Variants in POLQ observed in about 807,000 individuals in gnomAD.
POLQ encodes the protein epididymis secretory sperm binding protein.
POLQ carries 233 observed loss-of-function variants against 259.2 expected under a neutral mutation model. The observed-to-expected ratio is 0.90, with a 90% CI of 0.81 to 1.00. The LOEUF (loss-of-function observed/expected upper bound fraction) is 1.00. Ranked by LOEUF, POLQ falls within the 50% of genes least tolerant of loss-of-function variation. The pLI, the probability that POLQ is intolerant of heterozygous loss-of-function variation, is 0.00. For missense variants in POLQ, 2,871 were observed against 3,051.6 expected (o/e 0.94, Z 1.39); for synonymous variants, 1,025 against 1,048.8 (o/e 0.98, Z 0.44).
chr3:121,487,804 T>C lies in POLQ; in HGVS notation c.5127A>G (p.Glu1709=). 5 of 1,610,290 alleles carry C rather than the reference T, an allele frequency of 3.1e-6. No individual in the cohort carries two copies. The highest frequency in any genetic ancestry group is 4.2e-6 in the Non-Finnish European group (5 of 1,178,742). The change falls in exon 16 of 30, where the codon GAA becomes GAG. Residue 1709 remains glutamate (E), a synonymous_variant. Coordinates refer to ENST00000264233, the MANE Select transcript of POLQ (RefSeq NM_199420.4). ...AGGTTTCATCATGATTGGCATTGTT[T>C]TCTAGCATCTCAATCTTGCTTTTTA... The part of the protein sequence containing the change: ...NEVKSKIEML[E]NNANHDETSS...
At chr3:121,511,226 CA>C (rs34066876) in intron 10 of POLQ, among the ~76,000 whole-genome samples, 63 of 74,926 alleles carry the variant, frequency 8.4e-4, no homozygotes, top group Non-Finnish European at 9.4e-4. Context: ...ACTCCGTCTC[CA>C]AAAAAAAAAA....
chr3:121,523,429 T>C (rs1406172839), intron 7 of POLQ, among the ~76,000 whole-genome samples: 2 of 152,090 alleles, frequency 1.3e-5, no homozygotes, highest in Non-Finnish European at 2.9e-5. Context: ...AGTAAATATA[T>C]GGCTGGGCAC....
At chr3:121,476,921 G>C (rs2047932200) in intron 19 of POLQ, among the ~76,000 whole-genome samples, 188 bp from the exon 20 acceptor site, 1 of 152,154 alleles carries the variant, frequency 6.6e-6, no homozygotes, top group East Asian at 1.9e-4. Flanking sequence ...GGCTAGTTTA[G>C]CACTGGACAA....
chr3:121,454,230 A>T (rs1235715441), intron 25 of POLQ, among the ~76,000 whole-genome samples: 1 of 152,228 alleles, frequency 6.6e-6, no homozygotes, highest in Non-Finnish European at 1.5e-5. Context: ...CTCCTGAAGG[A>T]AGCACTAAAC....
chr3:121,490,924 G>A (rs11711667), intron 15 of POLQ, among the ~76,000 whole-genome samples: 89,052 of 151,802 alleles, frequency 0.59, 27,300 homozygotes, highest in East Asian at 0.89. Flanking sequence ...GCATGGTAGC[G>A]GGTACCTGTA....
intron 21 of POLQ, 22 bp from the exon 22 acceptor site, chr3:121,472,186 A>G: frequency 4.9e-6 from 6 of 1,221,212 alleles, no homozygotes; most frequent in Non-Finnish European, 6.8e-6. Flanking sequence ...ATATAAGGTA[A>G]GATTGAATTC....
chr3:121,433,130 G>C, intron 28 of POLQ, 97 bp from the exon 29 acceptor site: 1 of 713,832 alleles, frequency 1.4e-6, no homozygotes, highest in Non-Finnish European at 2.6e-6. Context: ...ATTTTAATGA[G>C]AAGATTAAAA....
chr3:121,529,790 T>G lies in POLQ; in HGVS notation c.963A>C (p.Gly321=). 5 of 1,602,356 alleles carry G rather than the reference T, an allele frequency of 3.1e-6. No individual in the cohort carries two copies. The highest frequency in any genetic ancestry group is 3.4e-6 in the Non-Finnish European group (4 of 1,175,762). Reference sequence around the variant, plus strand: ...ATAAACTAACAACATGGTCCTCATCTCCCTAAAACAGAAAGATAAATAACC... The same window carrying G: ...ATAAACTAACAACATGGTCCTCATCGCCCTAAAACAGAAAGATAAATAACC... The part of the protein sequence containing the change: ...REFEPMLQVK[G]DEDHVVSLCY... Residue 321 remains glycine (G), a splice_region_variant and synonymous_variant, in exon 7 of 30, where the codon GGA becomes GGC. Transcript: ENST00000264233.
At chr3:121,540,406 C>T (rs369201074) in intron 3 of POLQ, among the ~76,000 whole-genome samples, 24 of 152,262 alleles carry the variant, frequency 1.6e-4, no homozygotes, top group South Asian at 1.2e-3. Flanking sequence ...CTTTAACAAT[C>T]AGTATAACAA....
chr3:121,541,797 G>A (rs995282505), intron 2 of POLQ, among the ~76,000 whole-genome samples: 1 of 152,104 alleles, frequency 6.6e-6, no homozygotes, highest in Non-Finnish European at 1.5e-5. Flanking sequence ...GGAAGTAGAT[G>A]AACAATTTTA....
At chr3:121,508,518 G>C (rs944323776) in intron 12 of POLQ, among the ~76,000 whole-genome samples, 68 of 152,108 alleles carry the variant, frequency 4.5e-4, no homozygotes, top group Middle Eastern at 3.2e-3. Context: ...TTGAACTAAG[G>C]CAGTCTGATC....
At chr3:121,459,136 T>C (rs1352995434) in intron 25 of POLQ, among the ~76,000 whole-genome samples, 2 of 152,132 alleles carry the variant, frequency 1.3e-5, no homozygotes, top group Non-Finnish European at 2.9e-5. Flanking sequence ...GAAACTAACA[T>C]GGATCCATTT....
chr3:121,510,325 C>G, intron 10 of POLQ, 82 bp from the exon 11 acceptor site: 1 of 941,416 alleles, frequency 1.1e-6, no homozygotes, highest in East Asian at 2.4e-5. Flanking sequence ...TGCCTGTAAT[C>G]CCAGCACTTT....
At chr3:121,534,155 C>T (rs750746746) in intron 5 of POLQ, among the ~76,000 whole-genome samples, 8 of 151,930 alleles carry the variant, frequency 5.3e-5, no homozygotes, top group Non-Finnish European at 1.2e-4. Flanking sequence ...GAATTACAGG[C>T]GTGAGCCACC....
intron 28 of POLQ, among the ~76,000 whole-genome samples, chr3:121,435,477 G>A (rs1423228197): frequency 6.6e-6 from 1 of 152,172 alleles, no homozygotes; most frequent in East Asian, 1.9e-4. Flanking sequence ...GACCACAGAG[G>A]ATCCCAAAAT....
intron 6 of POLQ, among the ~76,000 whole-genome samples, chr3:121,531,609 T>C (rs1488450301): frequency 6.6e-6 from 1 of 152,204 alleles, no homozygotes; most frequent in Non-Finnish European, 1.5e-5. Context: ...CTGATGTTCA[T>C]TTTAAATAGA....
rs370037814 is a variant in POLQ at position 121,510,169 on chromosome 3, A to G, written c.1686T>C (p.Ser562=). The part of the protein sequence containing the change: ...TYAACTFLAA[S]MKEGKQGIQR... Reference sequence around the variant, plus strand: ...GAATTCCTTGCTTCCCTTCTTTCATACTTGCAGCCAAAAATGTGCAGGCAG... The same window carrying G: ...GAATTCCTTGCTTCCCTTCTTTCATGCTTGCAGCCAAAAATGTGCAGGCAG... The change falls in exon 11 of 30, where the codon AGT becomes AGC. Residue 562 remains serine (S), a synonymous_variant. Transcript: ENST00000264233. 5.4e-5 allele frequency: 87 copies of G among 1,613,868 alleles called. No individual in the cohort carries two copies. Among genetic ancestry groups the G allele is most frequent in the Middle Eastern group, 4.9e-4 (3 of 6,084 alleles).
intron 18 of POLQ, among the ~76,000 whole-genome samples, chr3:121,482,516 G>A (rs1040966574): frequency 1.4e-4 from 13 of 93,952 alleles, no homozygotes; most frequent in South Asian, 6.3e-4. Context: ...GCAAAACTTC[G>A]TCTCAAAAAA....
intron 17 of POLQ, among the ~76,000 whole-genome samples, chr3:121,484,396 G>GTTT (rs2047993885): frequency 6.6e-6 from 1 of 152,118 alleles, no homozygotes; most frequent in Admixed American, 6.6e-5. Flanking sequence ...TGGTAGGACA[G>GTTT]AAGACTGAAA....
Sources: allele counts gnomAD v4.1 joint callset (sites outside exome capture counted in the v4.1 genomes callset), GRCh38; gene constraint gnomAD v4.1.1; transcripts MANE v1.5; gene names NCBI Gene and HGNC (gene_info 2026-07-23, HGNC 2026-07-21).